The following ENOSF1 variants were observed in gnomAD, a reference collection of about 807,000 sequenced individuals.
ENOSF1 encodes the protein enolase superfamily member 1.
In ENOSF1, 73 loss-of-function variants were observed where a neutral mutation model predicts 68.2. The observed-to-expected ratio is 1.07, with a 90% CI of 0.89 to 1.30. The LOEUF (loss-of-function observed/expected upper bound fraction) is 1.30, where lower values mean the gene tolerates loss of function less well. Among genes scored for constraint, ENOSF1 ranks in the 50% most tolerant of loss-of-function variants. ENOSF1 has a pLI of 0.00. For synonymous variants in ENOSF1, 223 were observed against 210.4 expected (o/e 1.06, Z -0.52); for missense variants, 589 against 554.5 (o/e 1.06, Z -0.62).
intron 10 of ENOSF1, 34 bp from the exon 11 acceptor site, chr18:683,414 C>T (rs2076294400): frequency 1.2e-6 from 2 of 1,610,404 alleles, no homozygotes; most frequent in Admixed American, 1.7e-5. Context: ...GGAGGTCAGC[C>T]CTGAGCCAAC....
At chr18:684,532 AAATAAT>A (rs989768036) in intron 10 of ENOSF1, among the ~76,000 whole-genome samples, 10 of 152,064 alleles carry the variant, frequency 6.6e-5, no homozygotes, top group Non-Finnish European at 1.2e-4. Context: ...CTATCTCAAA[AAATAAT>A]AATAATAACC....
intron 1 of ENOSF1, among the ~76,000 whole-genome samples, chr18:707,909 G>A (rs560564997): frequency 6.6e-6 from 1 of 152,096 alleles, no homozygotes; most frequent in East Asian, 1.9e-4. Flanking sequence ...CTCCAGGCTG[G>A]AGTGCAGTGG....
At chr18:691,593 C>A in intron 5 of ENOSF1, 1 of 241,250 alleles carries the variant, frequency 4.1e-6, no homozygotes, top group Non-Finnish European at 8.0e-6. Context: ...GCAATCCTCC[C>A]TCCTTGGCCT....
intron 7 of ENOSF1, 71 bp from the exon 8 acceptor site, chr18:690,702 A>AAGCTGTTTCCCTTGGAGAGTCC: frequency 6.3e-7 from 1 of 1,579,840 alleles, no homozygotes; most frequent in Non-Finnish European, 8.6e-7. Context: ...GCCTGTAGCT[A>AAGCTGTTTCCCTTGGAGAGTCC]AGCTGTTTCC....
intron 11 of ENOSF1, among the ~76,000 whole-genome samples, chr18:679,658 C>T (rs1250388087): frequency 6.6e-6 from 1 of 152,094 alleles, no homozygotes; most frequent in African/African-American, 2.4e-5. Context: ...GTAGAGTCCT[C>T]ACCTGGTGAG....
intron 2 of ENOSF1, among the ~76,000 whole-genome samples, chr18:697,922 A>G (rs2847161): frequency 0.33 from 50,727 of 151,534 alleles, 8,668 homozygotes; most frequent in Non-Finnish European, 0.37. Context: ...GCTTCTCGAG[A>G]AGCTAGGATT....
chr18:664,730 G>A, the ENOSF1 span, among the ~76,000 whole-genome samples: 1 of 151,180 alleles, frequency 6.6e-6, no homozygotes, highest in Non-Finnish European at 1.5e-5. Context: ...AGCATGATGT[G>A]TTGTTGAATT....
At chr18:701,939 GATAAATAA>G (rs142996189) in intron 2 of ENOSF1, among the ~76,000 whole-genome samples, 6 of 148,064 alleles carry the variant, frequency 4.1e-5, no homozygotes, top group Non-Finnish European at 7.4e-5. Context: ...TAAATACATA[GATAAATAA>G]ATAAATAAAT....
downstream of ENOSF1, chr18:669,366 AT>A (rs68090938): frequency 0.22 from 41,670 of 190,378 alleles, 1,314 homozygotes; most frequent in African/African-American, 0.29. Context: ...GGCCCAGAGG[AT>A]TTTTTTTTTT....
intron 2 of ENOSF1, among the ~76,000 whole-genome samples, chr18:706,174 G>T (rs1259117291): frequency 6.6e-6 from 1 of 152,062 alleles, no homozygotes; most frequent in Admixed American, 6.6e-5. Flanking sequence ...AAAGGCAGGT[G>T]AAAAGCATCC....
intron 11 of ENOSF1, among the ~76,000 whole-genome samples, 159 bp from the exon 12 acceptor site, chr18:678,896 G>A (rs534261645): frequency 4.6e-5 from 7 of 152,338 alleles, no homozygotes; most frequent in South Asian, 2.1e-4. Flanking sequence ...ACATGCGTGC[G>A]GGAGGGCTCT....
chr18:677,492 G>C, intron 13 of ENOSF1, 48 bp from the exon 14 acceptor site: 1 of 1,536,254 alleles, frequency 6.5e-7, no homozygotes, highest in South Asian at 1.2e-5. Context: ...GGCAGGGAGA[G>C]GAAGGGGTGA....
chr18:671,291 T>G lies in ENOSF1; in HGVS notation c.*3014A>C. ...TAAATTATTTTTTTAAAAAAAGCCT[T>G]GCGGTGTCTGCATATTCTAATGTTT... On this transcript the variant is annotated 3_prime_UTR_variant, in exon 16 of 16. Transcript: ENST00000647584. 1.1e-6 allele frequency: 1 copy of G among 880,312 alleles called. No homozygotes were observed. Among genetic ancestry groups the G allele is most frequent in the Admixed American group, 1.9e-5 (1 of 51,958 alleles). The allele number at this position is 880,312 out of a possible 1,614,324, so 54.5% of individuals were successfully genotyped here.
the ENOSF1 span, among the ~76,000 whole-genome samples, chr18:665,117 G>A: frequency 6.6e-6 from 1 of 151,122 alleles, no homozygotes; most frequent in Non-Finnish European, 1.5e-5. Context: ...TTGTACCTCT[G>A]GTAGAATTCG....
At chr18:709,060 C>A (rs1365184145) in intron 1 of ENOSF1, among the ~76,000 whole-genome samples, 1 of 152,208 alleles carries the variant, frequency 6.6e-6, no homozygotes, top group East Asian at 1.9e-4. Flanking sequence ...CAACATGGGT[C>A]AGGAGGGAGG....
intron 11 of ENOSF1, among the ~76,000 whole-genome samples, chr18:680,725 G>T (rs1284891192): frequency 6.8e-6 from 1 of 146,988 alleles, no homozygotes; most frequent in Non-Finnish European, 1.5e-5. Flanking sequence ...CTGTCGCCCA[G>T]GCTGGAGTGC....
chr18:690,574 C>G lies in ENOSF1; in HGVS notation c.593G>C (p.Gly198Ala). ...PAYTTSCAWL[G>A]YSDDTLKQLC... ...CTGCTTCAACGTGTCATCTGAGTACCCCAGCCAGGCGCACGATGTCGTGTA... is the reference window on the plus strand; with the variant it reads ...CTGCTTCAACGTGTCATCTGAGTACGCCAGCCAGGCGCACGATGTCGTGTA... The change falls in exon 8 of 16, where the codon GGG becomes GCG. Residue 198 changes from glycine (G) to alanine (A), a missense_variant. Transcript: ENST00000647584. 1 of 1,614,176 alleles carries G rather than the reference C, an allele frequency of 6.2e-7. No individual in the cohort carries two copies. Among genetic ancestry groups the G allele is most frequent in the Non-Finnish European group, 8.5e-7 (1 of 1,180,024 alleles).
chr18:666,999 A>C (rs287599), downstream of ENOSF1, among the ~76,000 whole-genome samples: 2 of 6,720 alleles, frequency 3.0e-4, no homozygotes, highest in African/African-American at 1.6e-3. Flanking sequence ...ATGGTGATGG[A>C]GATGGTGATG....
downstream of ENOSF1, chr18:669,215 C>T: frequency 6.4e-7 from 1 of 1,562,446 alleles, no homozygotes; most frequent in Non-Finnish European, 8.8e-7. Flanking sequence ...TAACCATACT[C>T]TTAGAGGGAA....
Sources: allele counts gnomAD v4.1 joint callset (sites outside exome capture counted in the v4.1 genomes callset), GRCh38; gene constraint gnomAD v4.1.1; transcripts MANE v1.5; gene names NCBI Gene and HGNC (gene_info 2026-07-23, HGNC 2026-07-21).